CTNND2: variants seen among roughly 807,000 people sequenced by gnomAD.
CTNND2 encodes catenin delta-2.
CTNND2 carries 22 observed loss-of-function variants against 144.4 expected under a neutral mutation model. The ratio of observed to expected loss-of-function variants is 0.15; its 90% CI spans 0.11 to 0.22. The LOEUF (loss-of-function observed/expected upper bound fraction) is 0.22, where lower values mean the gene tolerates loss of function less well. CTNND2 is among the 10% of genes least tolerant of loss of function. The probability of loss-of-function intolerance (pLI) is 1.00; values close to 1 mark genes in which losing one functional copy is unlikely to be tolerated. For missense variants in CTNND2, 1,353 were observed against 1,618.8 expected, an observed-to-expected ratio of 0.84 and a Z score of 2.82; for synonymous variants, 751 against 695.6, an observed-to-expected ratio of 1.08 and a Z score of -1.25.
chr5:11,702,426 G>T (rs1032064118), intron 2 of CTNND2, among the ~76,000 whole-genome samples: 1 of 152,176 alleles, frequency 6.6e-6, no homozygotes. Context: ...TGAAGGAGGT[G>T]CTCAGACAGT....
intron 12 of CTNND2, among the ~76,000 whole-genome samples, chr5:11,128,223 G>A (rs181861643): frequency 6.6e-6 from 1 of 152,062 alleles, no homozygotes; most frequent in Non-Finnish European, 1.5e-5. Context: ...TTCAACATAT[G>A]GGGTAGCCAC....
intron 9 of CTNND2, among the ~76,000 whole-genome samples, chr5:11,243,806 T>A (rs182401670): frequency 1.3e-5 from 2 of 152,214 alleles, no homozygotes; most frequent in Admixed American, 1.3e-4. Flanking sequence ...ATTGTCACAA[T>A]ATCTTATCAA....
chr5:11,830,551 A>C (rs1793844319), intron 1 of CTNND2, among the ~76,000 whole-genome samples: 1 of 152,192 alleles, frequency 6.6e-6, no homozygotes, highest in African/African-American at 2.4e-5. Flanking sequence ...TCCTTCTGCC[A>C]TGTTTATTAG....
At chr5:10,980,124 A>T (rs1016441157) in intron 21 of CTNND2, among the ~76,000 whole-genome samples, 9 of 152,310 alleles carry the variant, frequency 5.9e-5, no homozygotes, top group African/African-American at 2.2e-4. Context: ...GCAACTATAG[A>T]ATGGGAGAAA....
At chr5:11,827,939 C>CA (rs1561838545) in intron 1 of CTNND2, among the ~76,000 whole-genome samples, 1 of 152,064 alleles carries the variant, frequency 6.6e-6, no homozygotes, top group Admixed American at 6.5e-5. Flanking sequence ...TTACTCATAC[C>CA]AAAATCTAGA....
chr5:11,785,629 T>C (rs1246451742), intron 1 of CTNND2, among the ~76,000 whole-genome samples: 1 of 148,236 alleles, frequency 6.7e-6, no homozygotes, highest in Non-Finnish European at 1.5e-5. Context: ...TGTATAGGAG[T>C]ATCCCAAACT....
At chr5:11,505,942 A>G (rs1184893997) in intron 3 of CTNND2, among the ~76,000 whole-genome samples, 1 of 152,090 alleles carries the variant, frequency 6.6e-6, no homozygotes, top group Admixed American at 6.6e-5. Context: ...TTCATTGCTC[A>G]ACCACAAGAT....
chr5:11,641,444 G>GAT (rs35126010), intron 2 of CTNND2, among the ~76,000 whole-genome samples: 16,057 of 134,338 alleles, frequency 0.12, 1,128 homozygotes, highest in Non-Finnish European at 0.17. Flanking sequence ...GGAGTAAAAG[G>GAT]ATATATATAT....
At chr5:11,805,362 T>G (rs963343535) in intron 1 of CTNND2, among the ~76,000 whole-genome samples, 2 of 152,092 alleles carry the variant, frequency 1.3e-5, no homozygotes, top group Non-Finnish European at 2.9e-5. Flanking sequence ...ACAAGGACAC[T>G]CCACTAGCAA....
At chr5:11,515,111 C>CAAA (rs5865953) in intron 3 of CTNND2, among the ~76,000 whole-genome samples, 1,386 of 135,488 alleles carry the variant, frequency 0.01, 14 homozygotes, top group African/African-American at 0.027. Context: ...TAATGCACAC[C>CAAA]AAAAAAAAAA....
At chr5:11,162,080 T>TC (rs1332311506) in intron 11 of CTNND2, among the ~76,000 whole-genome samples, 1 of 147,000 alleles carries the variant, frequency 6.8e-6, no homozygotes, top group Non-Finnish European at 1.5e-5. Flanking sequence ...AACCTGGGAG[T>TC]GGGGGGGGGT....
At chr5:11,784,611 T>A (rs1327676472) in intron 1 of CTNND2, among the ~76,000 whole-genome samples, 1 of 152,196 alleles carries the variant, frequency 6.6e-6, no homozygotes, top group Non-Finnish European at 1.5e-5. Context: ...TTCCAGTTAA[T>A]CAAAAGGAAA....
chr5:11,188,600 T>C (rs1032421904), intron 11 of CTNND2, among the ~76,000 whole-genome samples: 1 of 152,198 alleles, frequency 6.6e-6, no homozygotes, highest in Non-Finnish European at 1.5e-5. Context: ...ACACGTACCC[T>C]GGAACTTTAA....
At chr5:11,346,235 C>G in intron 9 of CTNND2, 137 bp downstream of exon 9, 1 of 794,654 alleles carries the variant, frequency 1.3e-6, no homozygotes, top group Non-Finnish European at 1.8e-6. Flanking sequence ...CATTCCAAGT[C>G]AAACAAAAGA....
chr5:11,292,691 C>T (rs1156411418), intron 9 of CTNND2, among the ~76,000 whole-genome samples: 1 of 152,140 alleles, frequency 6.6e-6, no homozygotes, highest in East Asian at 1.9e-4. Flanking sequence ...ACTGTGAGTC[C>T]ATTAAACCTC....
At chr5:11,888,027 C>T (rs1736683628) in intron 1 of CTNND2, among the ~76,000 whole-genome samples, 1 of 152,124 alleles carries the variant, frequency 6.6e-6, no homozygotes, top group Admixed American at 6.5e-5. Flanking sequence ...TATTTTAATG[C>T]TTTCAACCTG....
Position 11,303,943 on chromosome 5 carries a change from G to A in CTNND2, c.1628+42429C>T, listed in dbSNP as rs375655311. On this transcript the variant is annotated intron_variant, in intron 9 of 21. Transcript: ENST00000304623. ...ATACTGTTCTCATGATAGTGAATAA[G>A]TCTCAGGAGATCTGATGGTTTTATA... is the stretch of plus-strand genomic sequence containing the variant. 2.2e-4 allele frequency among the ~76,000 whole-genome samples: 33 copies of A among 152,234 alleles called. No individual in the cohort carries two copies. In the South Asian group the frequency reaches 6.6e-3, roughly 31 times the overall value.
intron 2 of CTNND2, among the ~76,000 whole-genome samples, chr5:11,692,956 C>T (rs1455396069): frequency 6.6e-6 from 1 of 152,218 alleles, no homozygotes; most frequent in South Asian, 2.1e-4. Flanking sequence ...TGACAAAAAT[C>T]TCTTCTTATC....
At chr5:11,385,371 G>T in intron 6 of CTNND2, 142 bp from the exon 7 acceptor site, 1 of 415,536 alleles carries the variant, frequency 2.4e-6, no homozygotes, top group East Asian at 1.5e-4. Context: ...CTGCGCTCGG[G>T]GCAGTACGCG....
Sources: gnomAD v4.1 joint callset for allele counts (sites outside exome capture counted in the v4.1 genomes callset) on GRCh38, gnomAD v4.1.1 for gene constraint, MANE v1.5 for transcripts, NCBI Gene and HGNC (gene_info 2026-07-23, HGNC 2026-07-21) for gene names.